The following NALF1 variants were observed in gnomAD, a reference collection of about 807,000 sequenced individuals.
NALF1 encodes the protein family with sequence similarity 155 member A.
Under a neutral mutation model 48.4 loss-of-function variants are expected in NALF1, and 3 were observed. The observed-to-expected ratio is 0.06, with a 90% confidence interval of 0.03 to 0.16. The LOEUF (loss-of-function observed/expected upper bound fraction) is 0.16, where lower values mean the gene tolerates loss of function less well. Ranked by LOEUF, NALF1 falls within the 10% of genes least tolerant of loss-of-function variation. The probability of loss-of-function intolerance (pLI) is 1.00; values close to 1 mark genes in which losing one functional copy is unlikely to be tolerated. For synonymous variants in NALF1, 262 were observed against 245.7 expected (o/e 1.07, Z -0.62); for missense variants, 526 against 571.5 (o/e 0.92, Z 0.81).
chr13:107,489,992 A>T (rs1171504462), intron 1 of NALF1, among the ~76,000 whole-genome samples: 2 of 152,234 alleles, frequency 1.3e-5, no homozygotes, highest in African/African-American at 4.8e-5. Flanking sequence ...AAATCTCAAC[A>T]TCACTGATCA....
At chr13:107,297,613 T>C (rs144213822) in intron 1 of NALF1, among the ~76,000 whole-genome samples, 21 of 152,302 alleles carry the variant, frequency 1.4e-4, no homozygotes, top group African/African-American at 4.8e-4. Flanking sequence ...CTCAGAATTT[T>C]TGGAGAAAGA....
At chr13:107,406,742 T>C (rs1240640759) in intron 1 of NALF1, among the ~76,000 whole-genome samples, 2 of 151,832 alleles carry the variant, frequency 1.3e-5, no homozygotes, top group Non-Finnish European at 2.9e-5. Context: ...TAGAATGCCA[T>C]TCCTCACTGA....
rs146179090 is a variant in NALF1 at position 107,468,276 on chromosome 13, C to A, written c.916-257521G>T. Among the ~76,000 whole-genome samples the A allele has an allele frequency of 2.6e-5, 4 of 152,220 alleles. No individual in the cohort carries two copies. The East Asian group carries it at 7.7e-4, about 29-fold the overall frequency. On this transcript the variant is annotated intron_variant, in intron 1 of 2. Transcript: ENST00000375915. ...AAAATTTACTTGTCATTACCTAAGG[C>A]AAAATGGAGGCCACTATGCCAAAAA...
intron 1 of NALF1, among the ~76,000 whole-genome samples, chr13:107,740,587 T>G (rs1446606420): frequency 6.6e-6 from 1 of 152,302 alleles, no homozygotes; most frequent in South Asian, 2.1e-4. Context: ...AATAAACACA[T>G]GTAACAGAAA....
At chr13:107,402,488 T>C (rs1328597530) in intron 1 of NALF1, among the ~76,000 whole-genome samples, 2 of 152,192 alleles carry the variant, frequency 1.3e-5, no homozygotes, top group African/African-American at 4.8e-5. Context: ...AGTAAATGAA[T>C]GTTGTTTTAA....
chr13:107,761,480 T>G (rs1421343771), intron 1 of NALF1, among the ~76,000 whole-genome samples: 1 of 152,226 alleles, frequency 6.6e-6, no homozygotes, highest in Non-Finnish European at 1.5e-5. Flanking sequence ...CACTTGTGTC[T>G]CTGATTTCTT....
chr13:107,254,062 A>AAAAAAAAAAAAAATATATATATAT, intron 1 of NALF1, among the ~76,000 whole-genome samples: 24 of 138,682 alleles, frequency 1.7e-4, no homozygotes, highest in Admixed American at 1.4e-3. Context: ...CAAGTACTAA[A>AAAAAAAAAAAAAATATATATATAT]ATATATATAT....
intron 1 of NALF1, among the ~76,000 whole-genome samples, chr13:107,841,688 T>C (rs898360029): frequency 6.6e-6 from 1 of 152,204 alleles, no homozygotes; most frequent in Non-Finnish European, 1.5e-5. Context: ...GACTTTGTTT[T>C]GTTTTATTTT....
intron 1 of NALF1, among the ~76,000 whole-genome samples, chr13:107,423,371 C>A (rs1884225978): frequency 6.6e-6 from 1 of 152,046 alleles, no homozygotes; most frequent in African/African-American, 2.4e-5. Flanking sequence ...ACACAGTGAG[C>A]AGAATGATGA....
Position 107,686,519 on chromosome 13 carries a change from G to A in NALF1, c.915+179163C>T, listed in dbSNP as rs939699273. Among the ~76,000 whole-genome samples the A allele has an allele frequency of 4.6e-5, 7 of 152,100 alleles. No homozygotes were observed. The East Asian group carries it at 5.8e-4, about 13-fold the overall frequency. On this transcript the variant is annotated intron_variant, in intron 1 of 2. Transcript: ENST00000375915. The stretch of plus-strand genomic sequence containing the variant: ...AGCAATTCTCCTGCCTCAGCCTCCC[G>A]AGTAGCTGGGACTAGAGGCACATGC...
chr13:107,334,346 C>T (rs566038015), intron 1 of NALF1, among the ~76,000 whole-genome samples: 1 of 152,284 alleles, frequency 6.6e-6, no homozygotes, highest in South Asian at 2.1e-4. Flanking sequence ...GCCCGAAGGA[C>T]CAAGGCTGAG....
chr13:107,715,719 C>CAGTG (rs1875794653), intron 1 of NALF1, among the ~76,000 whole-genome samples: 1 of 152,216 alleles, frequency 6.6e-6, no homozygotes, highest in Non-Finnish European at 1.5e-5. Context: ...CACGACACCA[C>CAGTG]AGTGTGCCCT....
intron 1 of NALF1, among the ~76,000 whole-genome samples, chr13:107,680,549 GGTGTGTGAGAAT>G (rs1049893940): frequency 2.2e-4 from 34 of 151,802 alleles, no homozygotes; most frequent in Admixed American, 1.6e-3. Flanking sequence ...GATGGTGTGT[GGTGTGTGAGAAT>G]GTGTGTGAAT....
chr13:107,535,617 T>G (rs1322807719), intron 1 of NALF1, among the ~76,000 whole-genome samples: 5 of 152,074 alleles, frequency 3.3e-5, no homozygotes, highest in African/African-American at 4.8e-5. Flanking sequence ...CTCATGGATA[T>G]GAAGAATCAA....
intron 1 of NALF1, among the ~76,000 whole-genome samples, chr13:107,289,988 G>C (rs114041803): frequency 2.6e-5 from 4 of 152,124 alleles, no homozygotes; most frequent in African/African-American, 7.2e-5. Context: ...GGAGAACAAG[G>C]GTGGCAGGTA....
chr13:107,377,378 T>C (rs1349931942), intron 1 of NALF1, among the ~76,000 whole-genome samples: 1 of 152,172 alleles, frequency 6.6e-6, no homozygotes. Context: ...GTTTCTACAC[T>C]AGTCACTCAA....
chr13:107,295,539 C>A (rs1881709018), intron 1 of NALF1, among the ~76,000 whole-genome samples: 1 of 152,202 alleles, frequency 6.6e-6, no homozygotes, highest in Non-Finnish European at 1.5e-5. Context: ...ATAACATCCA[C>A]TGCCTTCTTC....
intron 1 of NALF1, among the ~76,000 whole-genome samples, chr13:107,279,097 T>C (rs1881338585): frequency 6.6e-6 from 1 of 150,646 alleles, no homozygotes; most frequent in African/African-American, 2.4e-5. Context: ...ACTCTGAATT[T>C]CTACATCAGT....
At chr13:107,767,056 C>G (rs1877435734) in intron 1 of NALF1, among the ~76,000 whole-genome samples, 1 of 151,978 alleles carries the variant, frequency 6.6e-6, no homozygotes, top group East Asian at 1.9e-4. Context: ...AAAAACCTAA[C>G]AAAACAGGAA....
Sources: gnomAD v4.1 joint callset for allele counts (sites outside exome capture counted in the v4.1 genomes callset) on GRCh38, gnomAD v4.1.1 for gene constraint, MANE v1.5 for transcripts, NCBI Gene and HGNC (gene_info 2026-07-23, HGNC 2026-07-21) for gene names.